The following SLC35D2 variants were observed in gnomAD, a reference collection of about 807,000 sequenced individuals.
SLC35D2 encodes the protein nucleotide sugar transporter SLC35D2.
Under a neutral mutation model 41.8 loss-of-function variants are expected in SLC35D2, and 43 were observed. The ratio of observed to expected loss-of-function variants is 1.03; its 90% CI spans 0.81 to 1.33. The LOEUF (loss-of-function observed/expected upper bound fraction) is 1.33. SLC35D2 is among the 40% of genes most tolerant of loss of function. The pLI is 0.00. For synonymous variants in SLC35D2, 150 were observed against 163.9 expected (o/e 0.92, Z 0.65); for missense variants, 380 against 408.4 (o/e 0.93, Z 0.60).
chr9:96,382,496 C>CTCTATATATATATATATATA (rs1554719387), intron 1 of SLC35D2, among the ~76,000 whole-genome samples: 1 of 127,940 alleles, frequency 7.8e-6, no homozygotes, highest in African/African-American at 2.9e-5. Flanking sequence ...CACACACACA[C>CTCTATATATATATATATATA]TATATATATA....
At chr9:96,351,193 G>T in intron 5 of SLC35D2, 22 bp from the exon 6 acceptor site, 1 of 1,501,136 alleles carries the variant, frequency 6.7e-7, no homozygotes, top group Non-Finnish European at 9.3e-7. Flanking sequence ...ACACAAATAA[G>T]AAAGGAAAGG....
chr9:96,366,909 C>A (rs1243079887), intron 2 of SLC35D2, among the ~76,000 whole-genome samples: 1 of 151,078 alleles, frequency 6.6e-6, no homozygotes, highest in Non-Finnish European at 1.5e-5. Context: ...TATTTATTAG[C>A]AAGACATTTA....
chr9:96,383,448 A>C, intron 1 of SLC35D2, 29 bp downstream of exon 1: 2 of 1,479,538 alleles, frequency 1.4e-6, no homozygotes, highest in Non-Finnish European at 9.1e-7. Context: ...GCACTCCCGC[A>C]GACCCCCCGG....
rs73538935 is a variant in SLC35D2, at chr9:96,361,306, T to C, written c.280-1085A>G. Among the ~76,000 whole-genome samples, 372 of 152,264 alleles carry C rather than the reference T, an allele frequency of 2.4e-3. 1 individual carries two copies. Among genetic ancestry groups the C allele is most frequent in the African/African-American group, 8.4e-3 (347 of 41,548 alleles). On this transcript the variant is annotated intron_variant, in intron 3 of 11. Transcript: ENST00000253270. Reference sequence around the variant, plus strand: ...AGCCCTAATCCCCAATGTGACTGTATTTGGAGATGAGGTCTTAACCAAGGT... The same window carrying C: ...AGCCCTAATCCCCAATGTGACTGTACTTGGAGATGAGGTCTTAACCAAGGT...
chr9:96,371,326 C>T (rs867678147), intron 1 of SLC35D2, among the ~76,000 whole-genome samples: 3 of 151,494 alleles, frequency 2.0e-5, no homozygotes, highest in Non-Finnish European at 2.9e-5. Flanking sequence ...ATTAGCCAGG[C>T]GTGGTGGCAC....
chr9:96,316,104 G>A (rs1193443574), downstream of SLC35D2, among the ~76,000 whole-genome samples: 1 of 152,158 alleles, frequency 6.6e-6, no homozygotes, highest in Non-Finnish European at 1.5e-5. Context: ...GCTAAATGTT[G>A]GTTAGAGGTT....
intron 11 of SLC35D2, chr9:96,314,956 C>G (rs1201768109): frequency 1.3e-5 from 2 of 152,158 alleles, no homozygotes; most frequent in Non-Finnish European, 2.9e-5. Context: ...GGCTGCCTAT[C>G]GTTCTTACCA....
At chr9:96,337,980 T>TC in intron 8 of SLC35D2, among the ~76,000 whole-genome samples, 1 of 31,912 alleles carries the variant, frequency 3.1e-5, no homozygotes, top group Non-Finnish European at 6.0e-5. Context: ...AAACTCCACC[T>TC]CAAAAAAAAA....
chr9:96,359,688 A>G (rs1424547834), intron 4 of SLC35D2, among the ~76,000 whole-genome samples: 2 of 149,250 alleles, frequency 1.3e-5, no homozygotes, highest in Non-Finnish European at 3.0e-5. Flanking sequence ...CTCTGTCTCA[A>G]AAAAAAAAAA....
chr9:96,371,350 C>T lies in SLC35D2; in HGVS notation c.159-3045G>A, dbSNP rs536308901. Reference sequence around the variant, plus strand: ...GCGTGGTGGCACACACTGGTAATCCCAGCTACTTGGGAGCCTGATACAGGA... The same window carrying T: ...GCGTGGTGGCACACACTGGTAATCCTAGCTACTTGGGAGCCTGATACAGGA... On this transcript the variant is annotated intron_variant, in intron 1 of 11. Coordinates refer to ENST00000253270, the MANE Select transcript of SLC35D2 (RefSeq NM_007001.3). Among the ~76,000 whole-genome samples, 4 of 151,716 alleles carry T rather than the reference C, an allele frequency of 2.6e-5. No homozygotes were observed. In the East Asian group the frequency reaches 7.8e-4, roughly 30 times the overall value.
intron 8 of SLC35D2, among the ~76,000 whole-genome samples, chr9:96,342,566 G>A (rs746154344): frequency 3.3e-5 from 5 of 152,166 alleles, no homozygotes; most frequent in East Asian, 1.9e-4. Flanking sequence ...GCAGGTGCCC[G>A]CTTTATCTTC....
At chr9:96,349,692 A>T (rs535702356) in intron 6 of SLC35D2, among the ~76,000 whole-genome samples, 157 of 152,092 alleles carry the variant, frequency 1.0e-3, no homozygotes, top group Non-Finnish European at 2.0e-3. Context: ...CACCTGGCTA[A>T]TTTTTGTATT....
intron 11 of SLC35D2, among the ~76,000 whole-genome samples, chr9:96,321,564 G>C (rs909597324): frequency 2.0e-4 from 30 of 152,256 alleles, no homozygotes; most frequent in African/African-American, 7.2e-4. Context: ...GAACCTCAGA[G>C]AGAAAATAAG....
intron 3 of SLC35D2, among the ~76,000 whole-genome samples, chr9:96,361,519 T>C (rs903489534): frequency 1.3e-5 from 2 of 152,020 alleles, no homozygotes; most frequent in African/African-American, 2.4e-5. Context: ...AGACCGTCTC[T>C]ACAAAAATTT....
chr9:96,327,711 T>A (rs1341080429), intron 9 of SLC35D2, among the ~76,000 whole-genome samples: 1 of 151,244 alleles, frequency 6.6e-6, no homozygotes, highest in African/African-American at 2.4e-5. Context: ...AGCCTCCACC[T>A]CCCAGGCTCA....
downstream of SLC35D2, among the ~76,000 whole-genome samples, chr9:96,319,790 G>A (rs776219473): frequency 1.3e-5 from 2 of 152,170 alleles, no homozygotes; most frequent in African/African-American, 2.4e-5. Context: ...GTGAACCGCC[G>A]CACCCAGCCA....
chr9:96,336,889 CA>C lies in SLC35D2; in HGVS notation c.685-106del, dbSNP rs1829073827. 7 of 679,300 alleles carry C rather than the reference CA, an allele frequency of 1.0e-5. No individual in the cohort carries two copies. In the East Asian group the frequency reaches 1.9e-4, roughly 19 times the overall value. 42.1% of individuals were successfully genotyped at this position (679,300 alleles called of 1,614,324 possible). ...TTGATACAGGAACCATCTTCCCAAACAGAAAACATAAAGCTAAAAATCCTAG... is the reference window on the plus strand; with the variant it reads ...TTGATACAGGAACCATCTTCCCAAACGAAAACATAAAGCTAAAAATCCTAG... On this transcript the variant is annotated intron_variant, in intron 8 of 11. Transcript: ENST00000253270.
chr9:96,353,312 T>G (rs1313847184), intron 4 of SLC35D2, among the ~76,000 whole-genome samples: 1 of 151,930 alleles, frequency 6.6e-6, no homozygotes. Context: ...TGTAACAAGA[T>G]ACATTCTGTA....
At chr9:96,319,683 G>C (rs945974708), downstream of SLC35D2, among the ~76,000 whole-genome samples, 1 of 151,940 alleles carries the variant, frequency 6.6e-6, no homozygotes, top group Non-Finnish European at 1.5e-5. Context: ...TTTTTTTGTA[G>C]AGATGATGTT....
Sources: allele counts gnomAD v4.1 joint callset (sites outside exome capture counted in the v4.1 genomes callset), GRCh38; gene constraint gnomAD v4.1.1; transcripts MANE v1.5; gene names NCBI Gene and HGNC (gene_info 2026-07-23, HGNC 2026-07-21).